The following PCED1B variants were observed in gnomAD, a reference collection of about 807,000 sequenced individuals.
PCED1B encodes the protein PC-esterase domain containing 1B.
For synonymous variants in PCED1B, 251 were observed against 246.1 expected, an observed-to-expected ratio of 1.02 and a Z score of -0.19; for missense variants, 573 against 573.9, an observed-to-expected ratio of 1.00 and a Z score of 0.02.
chr12:47,150,561 G>C (rs1167753028), intron 2 of PCED1B, among the ~76,000 whole-genome samples: 1 of 151,312 alleles, frequency 6.6e-6, no homozygotes, highest in Non-Finnish European at 1.5e-5. Flanking sequence ...CTGGGCAACA[G>C]AGTGAGACTC....
Position 47,216,280 on chromosome 12 carries a change from A to AAAGG in PCED1B, c.-463_-460dup, listed in dbSNP as rs1943258754. On this transcript the variant is annotated 5_prime_UTR_variant, in exon 3 of 4. It introduces an in-frame stop codon into an upstream open reading frame of the 5' UTR. Coordinates refer to ENST00000546455, the MANE Select transcript of PCED1B (RefSeq NM_138371.3). ...AGCCAAGGGTCTGAATTGTTTAATC[A>AAAGG]AAGGAAGAGTCAAAATAAGCTACAC... is the stretch of plus-strand genomic sequence containing the variant. 6.6e-6 allele frequency: 1 copy of AAAGG among 152,228 alleles called. No homozygotes were observed. The highest frequency in any genetic ancestry group is 1.5e-5 in the Non-Finnish European group (1 of 68,046). The allele number at this position is 152,228 out of a possible 1,614,324, so 9.4% of individuals were successfully genotyped here.
At chr12:47,151,650 G>C (rs538797001) in intron 2 of PCED1B, among the ~76,000 whole-genome samples, 5 of 152,354 alleles carry the variant, frequency 3.3e-5, no homozygotes, top group Admixed American at 2.6e-4. Context: ...TTGAAGGCCT[G>C]AGAAGCAGGA....
At chr12:47,207,297 G>A (rs1942940528) in intron 2 of PCED1B, among the ~76,000 whole-genome samples, 1 of 152,232 alleles carries the variant, frequency 6.6e-6, no homozygotes, top group African/African-American at 2.4e-5. Context: ...TGAATAGCCT[G>A]TTGGATTGGT....
At position 47,235,713 on chromosome 12, in the gene PCED1B, A is replaced by T. The variant is rs1312054453; in HGVS notation, c.650A>T (p.His217Leu). The T allele has an allele frequency of 6.2e-7, 1 of 1,611,594 alleles. No individual in the cohort carries two copies. Among genetic ancestry groups the T allele is most frequent in the Non-Finnish European group, 8.5e-7 (1 of 1,179,224 alleles). The change falls in exon 4 of 4, where the codon CAC (histidine) becomes CTC (leucine). Residue 217 changes from histidine (H) to leucine (L), a missense_variant. His to Leu is a moderately conservative substitution (Grantham distance 99). Coordinates refer to ENST00000546455, the MANE Select transcript of PCED1B (RefSeq NM_138371.3). The part of the protein sequence containing the change: ...HNFDVLDLHF[H>L]FRHARENLHW... ...TTCGATGTACTGGACTTGCATTTCCACTTCCGCCACGCGAGGGAGAACCTG... is the reference window on the plus strand; with the variant it reads ...TTCGATGTACTGGACTTGCATTTCCTCTTCCGCCACGCGAGGGAGAACCTG...
intron 2 of PCED1B, among the ~76,000 whole-genome samples, chr12:47,160,293 C>CTTTTTTTTTTTTTTTTTTTTTTTTTTTT (rs59856338): frequency 2.6e-4 from 18 of 69,228 alleles, no homozygotes; most frequent in Admixed American, 4.2e-4. Context: ...TTTTCTTTTT[C>CTTTTTTTTTTTTTTTTTTTTTTTTTTTT]TTTTTTTTTT....
intron 2 of PCED1B, among the ~76,000 whole-genome samples, chr12:47,117,755 T>A (rs1251899534): frequency 6.6e-6 from 1 of 152,212 alleles, no homozygotes; most frequent in Non-Finnish European, 1.5e-5. Context: ...TAGTTCTAGA[T>A]CCTTGAGGAA....
chr12:47,210,848 G>C (rs189334329), intron 2 of PCED1B: 75 of 152,006 alleles, frequency 4.9e-4, no homozygotes, highest in African/African-American at 1.8e-3. Flanking sequence ...AAAAGAAAAA[G>C]GAAGGTCAAA....
intron 3 of PCED1B, among the ~76,000 whole-genome samples, chr12:47,232,503 A>C (rs1260785274): frequency 1.3e-5 from 2 of 152,242 alleles, no homozygotes; most frequent in African/African-American, 2.4e-5. Flanking sequence ...CATACCTATT[A>C]AAATGTTCCT....
intron 2 of PCED1B, among the ~76,000 whole-genome samples, chr12:47,211,858 G>A (rs1191674354): frequency 1.3e-5 from 2 of 151,424 alleles, no homozygotes; most frequent in African/African-American, 2.4e-5. Context: ...GGCGGATCAC[G>A]AGGTCAGGAG....
intron 3 of PCED1B, among the ~76,000 whole-genome samples, chr12:47,217,093 T>G (rs2137804291): frequency 6.6e-6 from 1 of 152,168 alleles, no homozygotes; most frequent in South Asian, 2.1e-4. Flanking sequence ...TTTTTAAAAG[T>G]ATAAAATGGA....
rs201460011 is a variant in PCED1B, at chr12:47,217,436, A to AAAAG, written c.-58+767_-58+770dup. 3.2e-3 allele frequency among the ~76,000 whole-genome samples: 271 copies of AAAAG among 85,766 alleles called. 11 individuals carry two copies. The highest frequency in any genetic ancestry group is 4.1e-3 in the Non-Finnish European group (208 of 50,740). 56.3% of individuals were successfully genotyped at this position (85,766 alleles called of 152,430 possible). On this transcript the variant is annotated intron_variant, in intron 3 of 3. Coordinates refer to ENST00000546455, the MANE Select transcript of PCED1B (RefSeq NM_138371.3). ...GAGAGAGACAGAGAAAGAAGAAAAA[A>AAAAG]AAAGAAAGAAAGAAAGAAAGAAAAA...
At chr12:47,118,625 G>C (rs527706174) in intron 2 of PCED1B, among the ~76,000 whole-genome samples, 21 of 152,346 alleles carry the variant, frequency 1.4e-4, no homozygotes, top group Non-Finnish European at 2.6e-4. Context: ...CAGGTAGCAT[G>C]ATGCCCCCAG....
chr12:47,221,662 T>C (rs552174511), intron 3 of PCED1B, among the ~76,000 whole-genome samples: 4 of 152,262 alleles, frequency 2.6e-5, no homozygotes, highest in African/African-American at 9.6e-5. Flanking sequence ...AGCAGCTCTC[T>C]GAAATTGCCT....
intron 2 of PCED1B, among the ~76,000 whole-genome samples, chr12:47,204,013 C>T (rs943482727): frequency 6.6e-6 from 1 of 152,102 alleles, no homozygotes; most frequent in African/African-American, 2.4e-5. Context: ...TGTTTTTTGA[C>T]TTTTTAAAAG....
intron 2 of PCED1B, among the ~76,000 whole-genome samples, chr12:47,171,369 A>G: frequency 6.6e-6 from 1 of 151,970 alleles, no homozygotes; most frequent in Non-Finnish European, 1.5e-5. Context: ...GCCTGGCCCT[A>G]TTCTACTTTC....
intron 3 of PCED1B, among the ~76,000 whole-genome samples, chr12:47,218,901 G>T (rs1943387266): frequency 6.6e-6 from 1 of 152,072 alleles, no homozygotes; most frequent in African/African-American, 2.4e-5. Context: ...AGCACTTTGG[G>T]AGGCCTAGGT....
chr12:47,175,798 C>T (rs1192534978), intron 2 of PCED1B, among the ~76,000 whole-genome samples: 1 of 152,066 alleles, frequency 6.6e-6, no homozygotes, highest in East Asian at 1.9e-4. Flanking sequence ...TCTCGAACTC[C>T]TGACCTCAGG....
intron 2 of PCED1B, among the ~76,000 whole-genome samples, chr12:47,163,733 G>A (rs1234300861): frequency 1.3e-5 from 2 of 152,124 alleles, no homozygotes; most frequent in Non-Finnish European, 2.9e-5. Context: ...AATACCTATG[G>A]CTGGATAGTT....
chr12:47,227,330 C>G (rs976972185), intron 3 of PCED1B, among the ~76,000 whole-genome samples: 37 of 152,102 alleles, frequency 2.4e-4, no homozygotes, highest in Admixed American at 1.4e-3. Context: ...TGCCATGATG[C>G]CCACATAATT....
Sources: allele counts gnomAD v4.1 joint callset (sites outside exome capture counted in the v4.1 genomes callset), GRCh38; gene constraint gnomAD v4.1.1; transcripts MANE v1.5; gene names NCBI Gene and HGNC (gene_info 2026-07-23, HGNC 2026-07-21).